The following ASAP1 variants were observed in gnomAD, a reference collection of about 807,000 sequenced individuals.
ASAP1 encodes the protein arf-GAP with SH3 domain, ANK repeat and PH domain-containing protein 1.
ASAP1 carries 43 observed loss-of-function variants against 145.2 expected under a neutral mutation model. That is an observed-to-expected ratio of 0.30 (90% CI 0.23 to 0.38). The LOEUF is 0.38. Ranked by LOEUF, ASAP1 falls within the 10% of genes least tolerant of loss-of-function variation. ASAP1 has a pLI of 1.00. For synonymous variants in ASAP1, 546 were observed against 515.5 expected, an observed-to-expected ratio of 1.06 and a Z score of -0.80; for missense variants, 1,018 against 1,355.3, an observed-to-expected ratio of 0.75 and a Z score of 3.91.
rs1230151527 is a variant in ASAP1, at chr8:130,071,011, G to GGAGAGAGAGAGAGAGAGA, written c.2701+5319_2701+5336dup. Among the ~76,000 whole-genome samples, 11 of 11,436 alleles carry GGAGAGAGAGAGAGAGAGA rather than the reference G, an allele frequency of 9.6e-4. 3 individuals carry two copies. The highest frequency in any genetic ancestry group is 1.5e-3 in the Non-Finnish European group (11 of 7,110). 7.5% of individuals were successfully genotyped at this position (11,436 alleles called of 152,430 possible). On this transcript the variant is annotated intron_variant, in intron 27 of 29. Transcript: ENST00000518721. Reference sequence around the variant, plus strand: ...AGAGAGAGAGAGAGAGGGGAGGGGGGGAGAGAGAGAGAGAGAGAGAGAGAG... The same window carrying GGAGAGAGAGAGAGAGAGA: ...AGAGAGAGAGAGAGAGGGGAGGGGGGGAGAGAGAGAGAGAGAGAGAGAGAGAGAGAGAGAGAGAGAGAG...
intron 3 of ASAP1, among the ~76,000 whole-genome samples, chr8:130,299,798 T>C (rs961691403): frequency 6.6e-6 from 1 of 152,162 alleles, no homozygotes; most frequent in African/African-American, 2.4e-5. Context: ...AATAAATTCC[T>C]ATAAAAATAT....
chr8:130,199,549 A>G lies in ASAP1; in HGVS notation c.406-11366T>C, dbSNP rs7011658. On this transcript the variant is annotated intron_variant, in intron 5 of 29. Transcript: ENST00000518721. ...TTAGGCTTTGTCTGGCAAGAAGAGA[A>G]GAAAGAATGAAGGTCAGGAGACCTG... is the stretch of plus-strand genomic sequence containing the variant. 8.2e-3 allele frequency among the ~76,000 whole-genome samples: 1,248 copies of G among 152,318 alleles called. 16 individuals carry two copies. Among genetic ancestry groups the G allele is most frequent in the African/African-American group, 0.029 (1,203 of 41,580 alleles).
Position 130,114,557 on chromosome 8 carries a change from C to A in ASAP1, c.2172+1071G>T, listed in dbSNP as rs55724400. On this transcript the variant is annotated intron_variant, in intron 23 of 29. Transcript: ENST00000518721. ...GCAGTAGGTTGGTTTATACCAGCAT[C>A]CCACAACCATTTGAGGAATGTGTTG... 6.5e-3 allele frequency among the ~76,000 whole-genome samples: 990 copies of A among 152,178 alleles called. 3 individuals are homozygous for A. Among genetic ancestry groups the A allele is most frequent in the Non-Finnish European group, 0.011 (719 of 68,006 alleles).
chr8:130,067,179 A>G (rs1398480802), intron 27 of ASAP1, among the ~76,000 whole-genome samples: 1 of 152,188 alleles, frequency 6.6e-6, no homozygotes, highest in Non-Finnish European at 1.5e-5. Context: ...TTCATCCAAC[A>G]TGCATGTTGC....
At chr8:130,431,696 C>T (rs1830139411) in intron 1 of ASAP1, among the ~76,000 whole-genome samples, 1 of 151,990 alleles carries the variant, frequency 6.6e-6, no homozygotes, top group African/African-American at 2.4e-5. Context: ...CATGCTGGCT[C>T]ATAATTATCT....
intron 1 of ASAP1, among the ~76,000 whole-genome samples, chr8:130,407,267 G>A (rs182811144): frequency 1.3e-5 from 2 of 152,292 alleles, no homozygotes; most frequent in East Asian, 3.9e-4. Context: ...GGGACCTTCT[G>A]AGAGACTGTG....
chr8:130,403,707 C>G (rs532347745), intron 1 of ASAP1, among the ~76,000 whole-genome samples: 1 of 152,118 alleles, frequency 6.6e-6, no homozygotes, highest in East Asian at 1.9e-4. Context: ...TGTCCGCCAC[C>G]ACGCCCAGCT....
chr8:130,340,417 A>G (rs1191785088), intron 3 of ASAP1, among the ~76,000 whole-genome samples: 3 of 152,196 alleles, frequency 2.0e-5, no homozygotes, highest in Admixed American at 6.5e-5. Flanking sequence ...ACCCTGGGCA[A>G]TAATTTATGT....
chr8:130,430,879 C>G (rs1830112442), intron 1 of ASAP1, among the ~76,000 whole-genome samples: 1 of 152,322 alleles, frequency 6.6e-6, no homozygotes. Context: ...CATGTCACAG[C>G]TCCACTTCCT....
intron 27 of ASAP1, among the ~76,000 whole-genome samples, chr8:130,070,608 T>C (rs1428177452): frequency 6.6e-6 from 1 of 151,776 alleles, no homozygotes; most frequent in Non-Finnish European, 1.5e-5. Context: ...GACTTTGGAA[T>C]AGAGAATTTC....
At chr8:130,224,597 T>TA (rs536268460) in intron 4 of ASAP1, among the ~76,000 whole-genome samples, 27 of 151,988 alleles carry the variant, frequency 1.8e-4, no homozygotes, top group Non-Finnish European at 3.2e-4. Flanking sequence ...TTCTCCCTTT[T>TA]AAAAAAAATA....
At chr8:130,274,865 T>G (rs1820789244) in intron 3 of ASAP1, among the ~76,000 whole-genome samples, 1 of 152,234 alleles carries the variant, frequency 6.6e-6, no homozygotes, top group Non-Finnish European at 1.5e-5. Context: ...CTGTAGTTCT[T>G]ATTTCTGTAT....
chr8:130,314,910 AAG>A (rs1189537548), intron 3 of ASAP1, among the ~76,000 whole-genome samples: 1 of 152,144 alleles, frequency 6.6e-6, no homozygotes, highest in African/African-American at 2.4e-5. Context: ...TCTGAACTTT[AAG>A]AGAGAGAGAG....
At chr8:130,264,963 G>A (rs1173704412) in intron 3 of ASAP1, among the ~76,000 whole-genome samples, 1 of 152,112 alleles carries the variant, frequency 6.6e-6, no homozygotes, top group Non-Finnish European at 1.5e-5. Flanking sequence ...GAGGAACACA[G>A]GCAAAGTATG....
At chr8:130,367,993 T>G (rs917179545) in intron 2 of ASAP1, among the ~76,000 whole-genome samples, 5 of 152,158 alleles carry the variant, frequency 3.3e-5, no homozygotes, top group Admixed American at 3.3e-4. Flanking sequence ...TCTTAACATA[T>G]GCTATTTAGT....
At chr8:130,062,415 C>T (rs1318777397) in intron 27 of ASAP1, among the ~76,000 whole-genome samples, 2 of 152,160 alleles carry the variant, frequency 1.3e-5, no homozygotes, top group Admixed American at 1.3e-4. Context: ...CAAGGGGCAC[C>T]CTGCTCACAG....
At chr8:130,070,336 C>T (rs182771873) in intron 27 of ASAP1, among the ~76,000 whole-genome samples, 47 of 152,164 alleles carry the variant, frequency 3.1e-4, no homozygotes, top group Admixed American at 1.2e-3. Flanking sequence ...CGTGCCCGGC[C>T]GACTGCATCT....
At chr8:130,320,267 T>A (rs577270742) in intron 3 of ASAP1, among the ~76,000 whole-genome samples, 31 of 152,156 alleles carry the variant, frequency 2.0e-4, no homozygotes, top group Admixed American at 1.2e-3. Context: ...TCATAAGAAA[T>A]ACAGAGGGCC....
At chr8:130,324,634 A>C (rs1253433086) in intron 3 of ASAP1, among the ~76,000 whole-genome samples, 1 of 152,216 alleles carries the variant, frequency 6.6e-6, no homozygotes, top group Non-Finnish European at 1.5e-5. Flanking sequence ...ATAACTATGC[A>C]ACAATTTAGG....
Sources: gnomAD v4.1 joint callset for allele counts (sites outside exome capture counted in the v4.1 genomes callset) on GRCh38, gnomAD v4.1.1 for gene constraint, MANE v1.5 for transcripts, NCBI Gene and HGNC (gene_info 2026-07-23, HGNC 2026-07-21) for gene names.